Variants in MGAT4C observed in about 807,000 individuals in gnomAD.
The protein encoded by MGAT4C is alpha-1,3-mannosyl-glycoprotein 4-beta-N-acetylglucosaminyltransferase C.
Under a neutral mutation model 40.1 loss-of-function variants are expected in MGAT4C, and 19 were observed. That is an observed-to-expected ratio of 0.47 (90% CI 0.33 to 0.70). The LOEUF is 0.70. Among genes scored for constraint, MGAT4C ranks in the 30% least tolerant of loss-of-function variants. The pLI, the probability that MGAT4C is intolerant of heterozygous loss-of-function variation, is 0.02. For synonymous variants in MGAT4C, 181 were observed against 187.1 expected (o/e 0.97, Z 0.27); for missense variants, 491 against 563.2 (o/e 0.87, Z 1.30).
chr12:86,057,616 GTC>G (rs1248053190), intron 1 of MGAT4C, among the ~76,000 whole-genome samples: 1 of 151,966 alleles, frequency 6.6e-6, no homozygotes, highest in Non-Finnish European at 1.5e-5. Flanking sequence ...AGCAATATTG[GTC>G]TCTCTCTCTT....
At chr12:86,597,959 C>T (rs1961605067) in intron 2 of MGAT4C, among the ~76,000 whole-genome samples, 1 of 152,106 alleles carries the variant, frequency 6.6e-6, no homozygotes, top group Admixed American at 6.6e-5. Context: ...GGTCCTATAA[C>T]ACTGACTCAC....
At chr12:86,311,156 C>T (rs1470486515) in intron 4 of MGAT4C, among the ~76,000 whole-genome samples, 2 of 152,286 alleles carry the variant, frequency 1.3e-5, no homozygotes, top group East Asian at 1.9e-4. Context: ...GGCTTCGTCA[C>T]GGTGCAAACA....
chr12:86,244,203 G>A (rs962713359), intron 1 of MGAT4C, among the ~76,000 whole-genome samples: 1 of 152,112 alleles, frequency 6.6e-6, no homozygotes, highest in East Asian at 1.9e-4. Flanking sequence ...GATGCTGGGC[G>A]GTCATTTGCT....
At chr12:86,712,817 TG>T (rs1055140940) in intron 2 of MGAT4C, among the ~76,000 whole-genome samples, 47 of 152,238 alleles carry the variant, frequency 3.1e-4, no homozygotes, top group African/African-American at 9.6e-4. Flanking sequence ...TTGCCTCCTC[TG>T]GCTCCATTCT....
At position 86,040,430 on chromosome 12, in the gene MGAT4C, C is replaced by T. The variant is rs2136935146; in HGVS notation, c.-7+9244G>A. Among the ~76,000 whole-genome samples the T allele has an allele frequency of 2.0e-5, 3 of 152,318 alleles. No individual in the cohort carries two copies. The Middle Eastern group carries it at 0.01, about 518-fold the overall frequency. Reference sequence around the variant, plus strand: ...TGCCTTTTTTTCAGAGATGCCCTGCCCAGAGAGGAGGGAATCTGGAGAGGC... The same window carrying T: ...TGCCTTTTTTTCAGAGATGCCCTGCTCAGAGAGGAGGGAATCTGGAGAGGC... On this transcript the variant is annotated intron_variant, in intron 2 of 4. Coordinates refer to ENST00000611864, the MANE Select transcript of MGAT4C (RefSeq NM_001351288.2).
intron 1 of MGAT4C, among the ~76,000 whole-genome samples, chr12:86,178,963 C>T (rs1349158306): frequency 1.3e-5 from 2 of 152,100 alleles, no homozygotes; most frequent in African/African-American, 2.4e-5. Flanking sequence ...TATTTGCCTG[C>T]TATTTGCTTT....
At chr12:86,252,580 CCTAGGAA>C (rs1369663872) in intron 1 of MGAT4C, among the ~76,000 whole-genome samples, 2 of 151,730 alleles carry the variant, frequency 1.3e-5, no homozygotes, top group East Asian at 3.9e-4. Context: ...GTGCCATTGT[CCTAGGAA>C]CTAGCATTAG....
In MGAT4C at chr12:86,403,521, T is replaced by C. The variant is rs577031986; in HGVS notation, c.-120+31636A>G. Among the ~76,000 whole-genome samples the C allele has an allele frequency of 3.9e-5, 6 of 152,338 alleles. No homozygotes were observed. In the South Asian group the frequency reaches 1.2e-3, roughly 32 times the overall value. On this transcript the variant is annotated intron_variant, in intron 3 of 7. Coordinates refer to the MGAT4C transcript ENST00000548651. Reference sequence around the variant, plus strand: ...TAATTCCATATGACAGAACATCTCATTCATTTTAGAAAGTAAGGGTCCCAT... The same window carrying C: ...TAATTCCATATGACAGAACATCTCACTCATTTTAGAAAGTAAGGGTCCCAT...
Position 86,345,373 on chromosome 12 carries a change from C to G in MGAT4C, c.-119-11246G>C, listed in dbSNP as rs372885657. ...ATGTGCCATGTTGGTGTGCTGTACC[C>G]ATTAACTCGTCATTTAGCATTAGGT... On this transcript the variant is annotated intron_variant, in intron 3 of 7. Transcript: ENST00000548651. 2.6e-5 allele frequency among the ~76,000 whole-genome samples: 4 copies of G among 151,848 alleles called. No individual in the cohort carries two copies. The East Asian group carries it at 7.7e-4, about 29-fold the overall frequency.
intron 1 of MGAT4C, among the ~76,000 whole-genome samples, chr12:86,093,062 G>A (rs1181054416): frequency 6.6e-6 from 1 of 151,708 alleles, no homozygotes; most frequent in Non-Finnish European, 1.5e-5. Flanking sequence ...GTGTCCATGT[G>A]CCAATCACCC....
intron 2 of MGAT4C, among the ~76,000 whole-genome samples, chr12:86,685,863 ATTT>A (rs1210645588): frequency 1.5e-5 from 2 of 136,570 alleles, no homozygotes; most frequent in Non-Finnish European, 3.2e-5. Context: ...AATGCTTGTG[ATTT>A]TTTTTTTTTT....
At chr12:86,035,965 T>A (rs1319546471) in intron 2 of MGAT4C, among the ~76,000 whole-genome samples, 4 of 150,120 alleles carry the variant, frequency 2.7e-5, no homozygotes, top group African/African-American at 7.3e-5. Context: ...ACCATGCTGT[T>A]TTTATTACTG....
upstream of MGAT4C, among the ~76,000 whole-genome samples, chr12:86,259,317 G>A (rs953066752): frequency 2.6e-5 from 4 of 151,892 alleles, no homozygotes; most frequent in South Asian, 6.2e-4. Flanking sequence ...ACATGTATCT[G>A]GGTTAAGGTC....
chr12:86,635,657 T>TTGTGTGTGTGTG (rs71309507), intron 2 of MGAT4C, among the ~76,000 whole-genome samples: 86 of 147,344 alleles, frequency 5.8e-4, no homozygotes, highest in African/African-American at 2.0e-3. Context: ...TCTATATACA[T>TTGTGTGTGTGTG]TGTGTGTGTG....
chr12:86,616,168 G>C (rs898203401), intron 2 of MGAT4C, among the ~76,000 whole-genome samples: 5 of 152,002 alleles, frequency 3.3e-5, no homozygotes, highest in African/African-American at 4.8e-5. Flanking sequence ...TTAGAGTATA[G>C]CATCCATATT....
chr12:86,242,617 T>C (rs1292683532), intron 1 of MGAT4C, among the ~76,000 whole-genome samples: 1 of 152,150 alleles, frequency 6.6e-6, no homozygotes, highest in Non-Finnish European at 1.5e-5. Flanking sequence ...TTTTATTTGA[T>C]TGTCCGGGGA....
chr12:86,831,703 A>C (rs889988140), intron 1 of MGAT4C, among the ~76,000 whole-genome samples: 2 of 151,830 alleles, frequency 1.3e-5, no homozygotes, highest in African/African-American at 4.8e-5. Context: ...GGAGTCTACT[A>C]AAGACTAAGA....
intron 2 of MGAT4C, among the ~76,000 whole-genome samples, chr12:86,511,731 G>A (rs1252187684): frequency 5.9e-5 from 9 of 152,188 alleles, no homozygotes; most frequent in Non-Finnish European, 1.2e-4. Context: ...TTCTTGCACC[G>A]CACACACAAG....
chr12:86,743,480 AG>A (rs1326245106), intron 1 of MGAT4C, among the ~76,000 whole-genome samples: 2 of 151,554 alleles, frequency 1.3e-5, no homozygotes, highest in Non-Finnish European at 3.0e-5. Context: ...ATGTTTAGAA[AG>A]TATTGGCACA....
Sources: allele counts gnomAD v4.1 joint callset (sites outside exome capture counted in the v4.1 genomes callset), GRCh38; gene constraint gnomAD v4.1.1; transcripts MANE v1.5; gene names NCBI Gene and HGNC (gene_info 2026-07-23, HGNC 2026-07-21).